Variants in ADGRL3 observed in about 807,000 individuals in gnomAD.
The protein encoded by ADGRL3 is calcium-independent alpha-latrotoxin receptor 3.
Under a neutral mutation model 153.5 loss-of-function variants are expected in ADGRL3, and 62 were observed. The ratio of observed to expected loss-of-function variants is 0.40; its 90% CI spans 0.33 to 0.50. The LOEUF is 0.50. ADGRL3 is among the 20% of genes least tolerant of loss of function. The pLI is 0.47. For missense variants in ADGRL3, 1,641 were observed against 1,859.4 expected (o/e 0.88, Z 2.16); for synonymous variants, 710 against 672.5 (o/e 1.06, Z -0.86).
At chr4:61,619,339 T>A (rs1251906178) in intron 5 of ADGRL3, among the ~76,000 whole-genome samples, 1 of 152,292 alleles carries the variant, frequency 6.6e-6, no homozygotes, top group Middle Eastern at 3.4e-3. Flanking sequence ...AATACCTTTT[T>A]TTTCTAGTTT....
intron 8 of ADGRL3, among the ~76,000 whole-genome samples, chr4:61,740,898 G>A (rs2096573483): frequency 6.6e-6 from 1 of 152,154 alleles, no homozygotes; most frequent in Admixed American, 6.5e-5. Flanking sequence ...CGCTAAAGAT[G>A]GTAGAATCTA....
intron 1 of ADGRL3, among the ~76,000 whole-genome samples, chr4:61,367,104 A>G (rs1451796813): frequency 6.6e-6 from 1 of 152,242 alleles, no homozygotes; most frequent in Non-Finnish European, 1.5e-5. Flanking sequence ...AAGTTAAAGT[A>G]GCACATTGAA....
At chr4:61,613,733 G>A (rs1320089208) in intron 5 of ADGRL3, among the ~76,000 whole-genome samples, 1 of 152,204 alleles carries the variant, frequency 6.6e-6, no homozygotes, top group African/African-American at 2.4e-5. Flanking sequence ...GACAGAGCTA[G>A]ATTCCAAGTG....
chr4:61,217,369 A>G (rs1011922970), intron 1 of ADGRL3, among the ~76,000 whole-genome samples: 3 of 152,148 alleles, frequency 2.0e-5, no homozygotes, highest in Admixed American at 1.3e-4. Context: ...AGCCCTAGAG[A>G]ATGTGCTCTC....
chr4:61,317,705 A>G (rs1412667458), intron 1 of ADGRL3, among the ~76,000 whole-genome samples: 1 of 152,180 alleles, frequency 6.6e-6, no homozygotes, highest in African/African-American at 2.4e-5. Flanking sequence ...AAGGAAAGAC[A>G]GAGGCTGAAG....
chr4:61,694,173 G>GTCA (rs1435769964), intron 6 of ADGRL3, among the ~76,000 whole-genome samples: 1 of 73,794 alleles, frequency 1.4e-5, no homozygotes, highest in East Asian at 3.8e-4. Context: ...TTAAAATTTT[G>GTCA]TCATTATTTT....
chr4:61,686,783 A>G (rs1208784472), intron 6 of ADGRL3, among the ~76,000 whole-genome samples: 1 of 152,012 alleles, frequency 6.6e-6, no homozygotes, highest in Non-Finnish European at 1.5e-5. Flanking sequence ...TTGTTGACAC[A>G]TCTCTCCTCA....
intron 25 of ADGRL3, among the ~76,000 whole-genome samples, chr4:62,047,619 A>G (rs1162594693): frequency 6.6e-6 from 1 of 152,140 alleles, no homozygotes; most frequent in Non-Finnish European, 1.5e-5. Context: ...TTATTGATAT[A>G]ATAATTTTCA....
At chr4:61,599,227 ATC>A (rs2099001088) in intron 5 of ADGRL3, among the ~76,000 whole-genome samples, 1 of 152,236 alleles carries the variant, frequency 6.6e-6, no homozygotes, top group African/African-American at 2.4e-5. Flanking sequence ...AGCAAGGCCC[ATC>A]TGTCTAGATT....
intron 1 of ADGRL3, among the ~76,000 whole-genome samples, chr4:61,343,372 C>G (rs964403189): frequency 6.6e-6 from 1 of 152,064 alleles, no homozygotes; most frequent in Non-Finnish European, 1.5e-5. Flanking sequence ...TATTAGGTTC[C>G]TGGGTCATCC....
At chr4:61,218,441 C>T (rs1404390313) in intron 1 of ADGRL3, among the ~76,000 whole-genome samples, 4 of 152,102 alleles carry the variant, frequency 2.6e-5, no homozygotes, top group Admixed American at 2.0e-4. Flanking sequence ...TCACGAGTAG[C>T]TGGGACTACA....
chr4:61,433,156 A>T (rs2097396647), intron 2 of ADGRL3, among the ~76,000 whole-genome samples: 1 of 152,032 alleles, frequency 6.6e-6, no homozygotes, highest in Admixed American at 6.6e-5. Context: ...GACTATGTCT[A>T]TTTTCTTATT....
intron 7 of ADGRL3, 65 bp downstream of exon 7, chr4:61,730,701 T>G (rs2096425262): frequency 5.1e-6 from 2 of 392,736 alleles, no homozygotes; most frequent in Non-Finnish European, 9.0e-6. Flanking sequence ...AGTTTAACAT[T>G]TAGTTAAAAT....
Position 61,520,793 on chromosome 4 carries a change from C to T in ADGRL3, c.259+3275C>T, listed in dbSNP as rs1022906953. On this transcript the variant is annotated intron_variant, in intron 4 of 26. Coordinates refer to ENST00000683033, the MANE Select transcript of ADGRL3 (RefSeq NM_001387552.1). Reference sequence around the variant, plus strand: ...CCCTTGAGTACTAAACCTTAGATACCAGGAAATAACACCCAGGGATTTTTT... The same window carrying T: ...CCCTTGAGTACTAAACCTTAGATACTAGGAAATAACACCCAGGGATTTTTT... 2.6e-5 allele frequency among the ~76,000 whole-genome samples: 4 copies of T among 151,762 alleles called. No individual in the cohort carries two copies. The South Asian group carries it at 8.4e-4, about 32-fold the overall frequency.
chr4:61,392,684 CA>C (rs397993633), intron 2 of ADGRL3, among the ~76,000 whole-genome samples: 464 of 13,366 alleles, frequency 0.035, 1 homozygote, highest in African/African-American at 0.073. Context: ...GACTCCATCT[CA>C]AAAAAAAAAA....
intron 2 of ADGRL3, among the ~76,000 whole-genome samples, chr4:61,386,130 A>T (rs1457621379): frequency 6.6e-6 from 1 of 152,178 alleles, no homozygotes; most frequent in Non-Finnish European, 1.5e-5. Context: ...TAACTAAATG[A>T]GTCCTCACAT....
intron 9 of ADGRL3, among the ~76,000 whole-genome samples, chr4:61,818,319 C>T (rs1227169446): frequency 6.6e-6 from 1 of 152,184 alleles, no homozygotes; most frequent in African/African-American, 2.4e-5. Flanking sequence ...CCATGTCTCA[C>T]ATCCAGGTTA....
At chr4:61,983,681 T>C in intron 19 of ADGRL3, 78 bp downstream of exon 19, 1 of 1,262,584 alleles carries the variant, frequency 7.9e-7, no homozygotes, top group Non-Finnish European at 1.1e-6. Flanking sequence ...AAGGTCTTTA[T>C]ATTACCTCAC....
intron 23 of ADGRL3, among the ~76,000 whole-genome samples, chr4:62,035,510 G>A (rs1449859445): frequency 6.6e-6 from 1 of 152,044 alleles, no homozygotes; most frequent in Non-Finnish European, 1.5e-5. Flanking sequence ...GCAGGGGGAA[G>A]TTATGATCAA....
Sources: allele counts gnomAD v4.1 joint callset (sites outside exome capture counted in the v4.1 genomes callset), GRCh38; gene constraint gnomAD v4.1.1; transcripts MANE v1.5; gene names NCBI Gene and HGNC (gene_info 2026-07-23, HGNC 2026-07-21).